ASTN2: variants seen among roughly 807,000 people sequenced by gnomAD.
ASTN2 encodes astrotactin 2.
Under a neutral mutation model 139.8 loss-of-function variants are expected in ASTN2, and 54 were observed. The ratio of observed to expected loss-of-function variants is 0.39; its 90% CI spans 0.31 to 0.48. The LOEUF (loss-of-function observed/expected upper bound fraction) is 0.48, where lower values mean the gene tolerates loss of function less well. Ranked by LOEUF, ASTN2 falls within the 20% of genes least tolerant of loss-of-function variation. ASTN2 has a pLI of 0.95. For synonymous variants in ASTN2, 756 were observed against 719.5 expected, an observed-to-expected ratio of 1.05 and a Z score of -0.81; for missense variants, 1,565 against 1,725.1, an observed-to-expected ratio of 0.91 and a Z score of 1.64.
chr9:117,083,871 A>G (rs1828493399), intron 5 of ASTN2, among the ~76,000 whole-genome samples: 2 of 152,096 alleles, frequency 1.3e-5, no homozygotes, highest in Admixed American at 6.5e-5. Context: ...CAGGAAGAGG[A>G]GTACAGAGAA....
intron 5 of ASTN2, among the ~76,000 whole-genome samples, chr9:117,075,348 G>A (rs972848463): frequency 1.2e-4 from 18 of 152,162 alleles, no homozygotes; most frequent in African/African-American, 2.4e-4. Flanking sequence ...CAAGGCTGGC[G>A]GCCCAGGCTG....
intron 4 of ASTN2, among the ~76,000 whole-genome samples, chr9:117,129,220 A>G (rs1829773338): frequency 6.6e-6 from 1 of 152,160 alleles, no homozygotes; most frequent in African/African-American, 2.4e-5. Flanking sequence ...GACAGTGACC[A>G]TTTTTCTAGA....
chr9:116,490,508 G>T (rs931643626), intron 19 of ASTN2, among the ~76,000 whole-genome samples: 2 of 151,938 alleles, frequency 1.3e-5, no homozygotes, highest in African/African-American at 4.8e-5. Flanking sequence ...CTTCATGAGT[G>T]TATTAGTCAT....
intron 16 of ASTN2, chr9:116,697,572 G>C: frequency 2.5e-6 from 2 of 812,242 alleles, no homozygotes; most frequent in Admixed American, 5.0e-5. Context: ...ATGACTGAAT[G>C]ACTGGTCATA....
chr9:116,767,206 C>T (rs1014987959), intron 13 of ASTN2, among the ~76,000 whole-genome samples: 1 of 151,890 alleles, frequency 6.6e-6, no homozygotes, highest in African/African-American at 2.4e-5. Flanking sequence ...GAGAATGAGG[C>T]CTGAAGAATT....
At chr9:116,491,700 C>T (rs895484443) in intron 19 of ASTN2, among the ~76,000 whole-genome samples, 1 of 152,084 alleles carries the variant, frequency 6.6e-6, no homozygotes, top group African/African-American at 2.4e-5. Flanking sequence ...TCTTCCTCAC[C>T]CAGTGGAGGG....
chr9:117,307,002 C>T (rs1285422368), intron 1 of ASTN2, among the ~76,000 whole-genome samples: 1 of 152,114 alleles, frequency 6.6e-6, no homozygotes, highest in Non-Finnish European at 1.5e-5. Flanking sequence ...GGAGTGAGGA[C>T]CAAGTTAGAT....
intron 5 of ASTN2, among the ~76,000 whole-genome samples, chr9:117,089,762 A>C (rs2132741506): frequency 6.7e-6 from 1 of 149,160 alleles, no homozygotes; most frequent in East Asian, 2.0e-4. Context: ...CCCACATATC[A>C]GTGAGAACAT....
intron 5 of ASTN2, among the ~76,000 whole-genome samples, chr9:117,065,979 A>G (rs550562938): frequency 6.6e-6 from 1 of 151,496 alleles, no homozygotes; most frequent in East Asian, 1.9e-4. Flanking sequence ...AATATGGTCA[A>G]TTACTCCTCT....
intron 3 of ASTN2, among the ~76,000 whole-genome samples, chr9:117,190,660 C>T (rs906727954): frequency 2.0e-5 from 3 of 152,060 alleles, no homozygotes; most frequent in African/African-American, 7.2e-5. Flanking sequence ...TGCCAGGGAC[C>T]TTTATACCTG....
chr9:116,816,426 G>A (rs1324269007), intron 12 of ASTN2, among the ~76,000 whole-genome samples: 4 of 152,120 alleles, frequency 2.6e-5, no homozygotes, highest in Admixed American at 6.5e-5. Context: ...TATCAATCAG[G>A]ACCCAGTGAG....
At chr9:117,079,794 G>A (rs1828377115) in intron 5 of ASTN2, among the ~76,000 whole-genome samples, 1 of 152,262 alleles carries the variant, frequency 6.6e-6, no homozygotes. Flanking sequence ...ACAATTGAGA[G>A]CAGCTGCCCT....
chr9:116,500,124 C>T (rs566918950), intron 19 of ASTN2, among the ~76,000 whole-genome samples: 4 of 152,142 alleles, frequency 2.6e-5, no homozygotes, highest in South Asian at 4.1e-4. Flanking sequence ...TTTGCTACAG[C>T]ACCTCAGCCA....
At chr9:117,370,283 A>G (rs1829954717) in intron 1 of ASTN2, among the ~76,000 whole-genome samples, 1 of 152,128 alleles carries the variant, frequency 6.6e-6, no homozygotes, top group South Asian at 2.1e-4. Flanking sequence ...AAAAACAACA[A>G]AAAACAAAAG....
At chr9:116,888,052 T>G (rs1833663182) in intron 10 of ASTN2, among the ~76,000 whole-genome samples, 1 of 152,188 alleles carries the variant, frequency 6.6e-6, no homozygotes, top group African/African-American at 2.4e-5. Flanking sequence ...TTTTCATATA[T>G]CATAAGATCA....
chr9:117,394,277 G>T (rs191164475), intron 1 of ASTN2, among the ~76,000 whole-genome samples: 1 of 152,116 alleles, frequency 6.6e-6, no homozygotes, highest in African/African-American at 2.4e-5. Context: ...TACTGGACAC[G>T]TTCTATGTCT....
chr9:116,576,115 C>T (rs376176369), intron 19 of ASTN2, among the ~76,000 whole-genome samples: 11 of 152,146 alleles, frequency 7.2e-5, no homozygotes, highest in African/African-American at 2.4e-4. Context: ...TGAACTCTCC[C>T]TTTTACAGGG....
chr9:116,663,830 A>C (rs1164620120), intron 16 of ASTN2, among the ~76,000 whole-genome samples: 36 of 152,144 alleles, frequency 2.4e-4, no homozygotes, highest in Admixed American at 2.3e-3. Context: ...AGGTTTCACT[A>C]TTGCTTTTTA....
intron 6 of ASTN2, among the ~76,000 whole-genome samples, chr9:117,017,101 C>T (rs1199069229): frequency 6.6e-6 from 1 of 151,880 alleles, no homozygotes. Context: ...AGTATCTTTT[C>T]CCCCAAGAAT....
Sources: allele counts gnomAD v4.1 joint callset (sites outside exome capture counted in the v4.1 genomes callset), GRCh38; gene constraint gnomAD v4.1.1; transcripts MANE v1.5; gene names NCBI Gene and HGNC (gene_info 2026-07-23, HGNC 2026-07-21).